Variants in ELSPBP1 observed in about 807,000 individuals in gnomAD.
ELSPBP1 encodes the protein epididymal sperm binding protein 1.
In ELSPBP1, 38 loss-of-function variants were observed where a neutral mutation model predicts 33.3. The ratio of observed to expected loss-of-function variants is 1.14; its 90% CI spans 0.88 to 1.50. The LOEUF (loss-of-function observed/expected upper bound fraction) is 1.50, where lower values mean the gene tolerates loss of function less well. ELSPBP1 is among the 40% of genes most tolerant of loss of function. The pLI is 0.00. For missense variants in ELSPBP1, 267 were observed against 263.5 expected, an observed-to-expected ratio of 1.01 and a Z score of -0.09; for synonymous variants, 85 against 94.1, an observed-to-expected ratio of 0.90 and a Z score of 0.56.
chr19:48,007,651 G>A (rs1021328422), intron 1 of ELSPBP1, among the ~76,000 whole-genome samples: 26 of 152,104 alleles, frequency 1.7e-4, no homozygotes, highest in Admixed American at 1.2e-3. Flanking sequence ...TAATGAGGAC[G>A]GTAAATGCTA....
At chr19:48,003,578 C>T (rs1284923740) in intron 1 of ELSPBP1, among the ~76,000 whole-genome samples, 3 of 150,576 alleles carry the variant, frequency 2.0e-5, no homozygotes, top group Non-Finnish European at 4.4e-5. Context: ...GCTCTGTCAC[C>T]CAGGCTGGAG....
chr19:48,023,547 G>GT, intron 6 of ELSPBP1, among the ~76,000 whole-genome samples: 1 of 72,530 alleles, frequency 1.4e-5, no homozygotes, highest in Non-Finnish European at 3.0e-5. Context: ...AAAGAAGGAA[G>GT]AAAAGGGAAG....
chr19:48,008,698 T>G lies in ELSPBP1; in HGVS notation c.31T>G (p.Trp11Gly). 6.2e-7 allele frequency: 1 copy of G among 1,613,928 alleles called. No homozygotes were observed. Among genetic ancestry groups the G allele is most frequent in the Non-Finnish European group, 8.5e-7 (1 of 1,179,960 alleles). ...CCGATGGTCCAGTTACCTGTTGGGA[T>G]GGACAACCTTCCTTCTCTATTCCTA... MTRWSSYLLG[W>G]TTFLLYSYES... Residue 11 changes from tryptophan (W) to glycine (G), a missense_variant, in exon 2 of 7, where the codon TGG (tryptophan) becomes GGG (glycine). Physicochemically the swap from Trp to Gly is radical, Grantham distance 184 (BLOSUM62 -2). Coordinates refer to ENST00000339841, the MANE Select transcript of ELSPBP1 (RefSeq NM_022142.5).
At position 48,015,874 on chromosome 19, in the gene ELSPBP1, C is replaced by T. The variant is rs144193006; in HGVS notation, c.209-19C>T. The stretch of plus-strand genomic sequence containing the variant: ...CGACTAGAGGAAGTTAAGACACTCA[C>T]GAACTCTGTTCCTAACAGATTACCC... On this transcript the variant is annotated intron_variant, in intron 3 of 6. Transcript: ENST00000339841. The T allele has an allele frequency of 5.4e-5, 86 of 1,591,184 alleles. No individual in the cohort carries two copies. In the East Asian group the frequency reaches 1.2e-3, roughly 23 times the overall value.
chr19:48,015,925 C>A lies in ELSPBP1; in HGVS notation c.241C>A (p.Arg81=). 1 of 1,613,032 alleles carries A rather than the reference C, an allele frequency of 6.2e-7. No homozygotes were observed. The highest frequency in any genetic ancestry group is 8.5e-7 in the Non-Finnish European group (1 of 1,179,140). The part of the protein sequence containing the change: ...YPRCIFPFIY[R]GKAYNSCISQ... Reference sequence around the variant, plus strand: ...ACGCTGTATCTTCCCTTTCATCTATCGAGGAAAGGCTTATAACAGCTGCAT... The same window carrying A: ...ACGCTGTATCTTCCCTTTCATCTATAGAGGAAAGGCTTATAACAGCTGCAT... The change falls in exon 4 of 7, where the codon CGA becomes AGA. Residue 81 remains arginine, a synonymous_variant. Coordinates refer to ENST00000339841, the MANE Select transcript of ELSPBP1 (RefSeq NM_022142.5).
intron 1 of ELSPBP1, among the ~76,000 whole-genome samples, chr19:48,006,918 G>C (rs529938134): frequency 1.2e-4 from 18 of 152,122 alleles, no homozygotes; most frequent in African/African-American, 4.1e-4. Flanking sequence ...TGTGTAGCGG[G>C]AGAGCCAAGC....
chr19:48,014,220 C>A lies in ELSPBP1; in HGVS notation c.120C>A (p.Tyr40Ter). The A allele has an allele frequency of 1.9e-6, 3 of 1,614,072 alleles. No homozygotes were observed. The highest frequency in any genetic ancestry group is 2.5e-6 in the Non-Finnish European group (3 of 1,179,972). The change falls in exon 3 of 7, where the codon TAC becomes TAA. Residue 40 changes from tyrosine (Y) to a stop codon, truncating the protein, a stop_gained. Coordinates refer to ENST00000339841, the MANE Select transcript of ELSPBP1 (RefSeq NM_022142.5). LOFTEE classifies it high-confidence loss of function. Reference protein sequence around the residue: ...VFPFTYKGSVYFTCTHIHSLS... With the variant: ...VFPFTYKGSV ...CTTTCACCTACAAGGGATCTGTTTA[C>A]TTCACTTGCACCCATATTCATAGCT...
chr19:48,010,597 G>A (rs12979967), intron 2 of ELSPBP1, among the ~76,000 whole-genome samples: 25,460 of 152,130 alleles, frequency 0.17, 2,201 homozygotes, highest in South Asian at 0.23. Flanking sequence ...AGTATTATAA[G>A]TGTGAGGAAG....
In ELSPBP1 at chr19:48,014,579, C is replaced by T. The variant is rs540629317; in HGVS notation, c.208+271C>T. ...TAGGAGATATACCTAATGCTAAAGA[C>T]GAGTTAATGGGTGCAGCACACCAGC... On this transcript the variant is annotated intron_variant, in intron 3 of 6. Transcript: ENST00000339841. Among the ~76,000 whole-genome samples, 8 of 146,294 alleles carry T rather than the reference C, an allele frequency of 5.5e-5. No individual in the cohort carries two copies. In the South Asian group the frequency reaches 1.8e-3, roughly 32 times the overall value.
chr19:48,003,252 AT>A (rs1284646813), intron 1 of ELSPBP1, among the ~76,000 whole-genome samples: 2 of 152,242 alleles, frequency 1.3e-5, no homozygotes, highest in Non-Finnish European at 2.9e-5. Flanking sequence ...GTGCAGAGTC[AT>A]AAACCTTCCA....
chr19:47,997,743 G>A (rs570376284), intron 1 of ELSPBP1, among the ~76,000 whole-genome samples: 9 of 152,234 alleles, frequency 5.9e-5, no homozygotes, highest in Middle Eastern at 3.4e-3. Flanking sequence ...AGACAGTAAT[G>A]ATCAAATCAG....
intron 3 of ELSPBP1, among the ~76,000 whole-genome samples, chr19:48,015,164 A>C (rs1967118727): frequency 1.3e-5 from 2 of 152,214 alleles, no homozygotes; most frequent in South Asian, 4.1e-4. Flanking sequence ...GAAAATGGTA[A>C]AAAGGAGGAA....
At chr19:48,002,193 TG>T (rs1966974988) in intron 1 of ELSPBP1, among the ~76,000 whole-genome samples, 4 of 152,134 alleles carry the variant, frequency 2.6e-5, no homozygotes, top group Admixed American at 2.6e-4. Flanking sequence ...CTCAGTACTT[TG>T]TTGGGGTCAC....
At chr19:48,001,316 G>A (rs1966965043) in intron 1 of ELSPBP1, among the ~76,000 whole-genome samples, 1 of 149,828 alleles carries the variant, frequency 6.7e-6, no homozygotes, top group South Asian at 2.1e-4. Context: ...GATTACAGCT[G>A]AGTAGCTGGG....
intron 3 of ELSPBP1, among the ~76,000 whole-genome samples, chr19:48,014,530 G>T (rs1161572933): frequency 2.3e-5 from 3 of 128,072 alleles, no homozygotes; most frequent in African/African-American, 8.7e-5. Context: ...GTTGTGGGGT[G>T]GGGGGCGGGG....
intron 2 of ELSPBP1, among the ~76,000 whole-genome samples, chr19:48,010,975 G>A (rs1485048042): frequency 2.0e-5 from 3 of 152,128 alleles, no homozygotes; most frequent in Non-Finnish European, 2.9e-5. Context: ...AGTGGTGTTC[G>A]TGACTGAGGC....
At chr19:48,007,459 G>A (rs183950170) in intron 1 of ELSPBP1, among the ~76,000 whole-genome samples, 29 of 152,220 alleles carry the variant, frequency 1.9e-4, no homozygotes, top group Admixed American at 1.0e-3. Flanking sequence ...TAGGACATCC[G>A]GTATACAGTA....
rs757381004 is a variant in ELSPBP1, at chr19:48,022,172, A to G, written c.517A>G (p.Ile173Val). The G allele has an allele frequency of 1.9e-6, 3 of 1,610,968 alleles. No homozygotes were observed. Among genetic ancestry groups the G allele is most frequent in the East Asian group, 4.5e-5 (2 of 44,824 alleles). The change falls in exon 6 of 7, where the codon ATT (isoleucine) becomes GTT (valine). Residue 173 changes from isoleucine (I) to valine (V), a missense_variant and splice_region_variant. Ile to Val is a conservative substitution (Grantham distance 29). Coordinates refer to ENST00000339841, the MANE Select transcript of ELSPBP1 (RefSeq NM_022142.5). ...GKWSFCADTR[I>V]SALVPGFPCH... Reference sequence around the variant, plus strand: ...TTTTATCCCCTTCTGCTTCCTAGGAATTTCCGCGTTGGTCCCTGGCTTTCC... The same window carrying G: ...TTTTATCCCCTTCTGCTTCCTAGGAGTTTCCGCGTTGGTCCCTGGCTTTCC...
intron 6 of ELSPBP1, among the ~76,000 whole-genome samples, chr19:48,023,499 GGAAAAGAGGAAGGAAA>G (rs1363283946): frequency 0.17 from 22,995 of 136,686 alleles, 2,365 homozygotes; most frequent in Middle Eastern, 0.23. Context: ...AGGGAGGGAA[GGAAAAGAGGAAGGAAA>G]TAAGGAAGGA....
Sources: allele counts gnomAD v4.1 joint callset (sites outside exome capture counted in the v4.1 genomes callset), GRCh38; gene constraint gnomAD v4.1.1; transcripts MANE v1.5; gene names NCBI Gene and HGNC (gene_info 2026-07-23, HGNC 2026-07-21).